Variants in TMEM132D observed in about 807,000 individuals in gnomAD.
TMEM132D encodes mature OL transmembrane protein.
In TMEM132D, 21 loss-of-function variants were observed where a neutral mutation model predicts 62.3. That is an observed-to-expected ratio of 0.34 (90% CI 0.24 to 0.49). The LOEUF (loss-of-function observed/expected upper bound fraction) is 0.49, where lower values mean the gene tolerates loss of function less well. Ranked by LOEUF, TMEM132D falls within the 20% of genes least tolerant of loss-of-function variation. TMEM132D has a pLI of 0.99. For synonymous variants in TMEM132D, 621 were observed against 575.6 expected, an observed-to-expected ratio of 1.08 and a Z score of -1.13; for missense variants, 1,346 against 1,402.8, an observed-to-expected ratio of 0.96 and a Z score of 0.65.
chr12:129,480,940 A>G (rs1471592580), intron 3 of TMEM132D, among the ~76,000 whole-genome samples: 2 of 151,974 alleles, frequency 1.3e-5, no homozygotes, highest in Non-Finnish European at 2.9e-5. Context: ...GACAACCCGG[A>G]CCCCTTTGCT....
At chr12:129,422,627 G>T (rs752068270) in intron 3 of TMEM132D, among the ~76,000 whole-genome samples, 2 of 152,052 alleles carry the variant, frequency 1.3e-5, no homozygotes, top group African/African-American at 4.8e-5. Flanking sequence ...AATTAATCTC[G>T]CCATGTCTAT....
intron 2 of TMEM132D, chr12:129,698,235 G>A (rs941370630): frequency 1.2e-4 from 18 of 151,878 alleles, no homozygotes; most frequent in South Asian, 2.1e-4. Flanking sequence ...CCAGAAGGAC[G>A]GAAGGGAACG....
intron 1 of TMEM132D, among the ~76,000 whole-genome samples, chr12:129,719,083 G>GAAAAA (rs59987335): frequency 2.2e-4 from 22 of 99,212 alleles, no homozygotes; most frequent in African/African-American, 5.7e-4. Flanking sequence ...CAAAAAAAAT[G>GAAAAA]AAAAAAAAAA....
At chr12:129,131,278 A>G (rs1224447570) in intron 5 of TMEM132D, among the ~76,000 whole-genome samples, 3 of 152,190 alleles carry the variant, frequency 2.0e-5, no homozygotes, top group Non-Finnish European at 4.4e-5. Context: ...GGGTCCAAAG[A>G]TGACTGTTGT....
intron 4 of TMEM132D, among the ~76,000 whole-genome samples, chr12:129,234,658 C>T (rs1428526067): frequency 2.6e-5 from 4 of 152,104 alleles, no homozygotes; most frequent in Non-Finnish European, 5.9e-5. Context: ...GTCTAAATCT[C>T]GTTAAAATAT....
chr12:129,737,219 C>G (rs1467031503), intron 1 of TMEM132D, among the ~76,000 whole-genome samples: 1 of 152,144 alleles, frequency 6.6e-6, no homozygotes, highest in Non-Finnish European at 1.5e-5. Flanking sequence ...GCATTCCTGA[C>G]CTCTACTCAC....
At chr12:129,143,937 T>C (rs1007138859) in intron 5 of TMEM132D, among the ~76,000 whole-genome samples, 1 of 152,176 alleles carries the variant, frequency 6.6e-6, no homozygotes, top group Non-Finnish European at 1.5e-5. Flanking sequence ...TGCTCACTCT[T>C]GAACTCCCAG....
intron 1 of TMEM132D, among the ~76,000 whole-genome samples, chr12:129,751,413 T>C (rs1295702743): frequency 6.6e-6 from 1 of 152,204 alleles, no homozygotes; most frequent in Non-Finnish European, 1.5e-5. Context: ...CCTCCCACCA[T>C]GTCCCTCCCC....
rs554223887 is a variant in TMEM132D at position 129,379,415 on chromosome 12, G to A, written c.1116-41598C>T. On this transcript the variant is annotated intron_variant, in intron 3 of 8. Coordinates refer to ENST00000422113, the MANE Select transcript of TMEM132D (RefSeq NM_133448.3). ...CTGTCCGTAGCAAGACATCTGGACT[G>A]ATAATAACTGGGAAACACAACTGTT... Among the ~76,000 whole-genome samples the A allele has an allele frequency of 7.9e-5, 12 of 152,306 alleles. No homozygotes were observed. The South Asian group carries it at 2.3e-3, about 29-fold the overall frequency.
intron 2 of TMEM132D, among the ~76,000 whole-genome samples, chr12:129,628,879 T>A (rs1879286209): frequency 1.3e-5 from 2 of 152,102 alleles, no homozygotes; most frequent in South Asian, 4.2e-4. Flanking sequence ...CTTCTCCTAC[T>A]CTGTCTCCCT....
At chr12:129,233,679 T>G (rs1484021438) in intron 4 of TMEM132D, among the ~76,000 whole-genome samples, 1 of 152,076 alleles carries the variant, frequency 6.6e-6, no homozygotes, top group African/African-American at 2.4e-5. Context: ...CAGGCTGGAG[T>G]GTCATGGTGT....
Position 129,903,867 on chromosome 12 carries a change from C to A in TMEM132D, c.-528G>T, listed in dbSNP as rs571863427. 0.016 allele frequency among the ~76,000 whole-genome samples: 2,339 copies of A among 146,904 alleles called. 93 individuals are homozygous for A. Among genetic ancestry groups the A allele is most frequent in the East Asian group, 0.083 (413 of 4,980 alleles). On this transcript the variant is annotated 5_prime_UTR_variant, in exon 1 of 9. Transcript: ENST00000422113. This position sits in a 1 kb window ranked among gnomAD's most constrained non-coding sequence, Gnocchi z 6.2. ...CGGCCCGGGGCTCCCTGGCCCGCAG[C>A]CCCCATCCCAGGCCGGCCGCTGCGC...
chr12:129,245,187 G>A lies in TMEM132D; in HGVS notation c.1300-35524C>T, dbSNP rs567856342. ...TATCCCACAGAACAGTCTCACTGCC[G>A]TAAAAATTTGTGTTCCACCTATCCA... On this transcript the variant is annotated intron_variant, in intron 4 of 8. Coordinates refer to ENST00000422113, the MANE Select transcript of TMEM132D (RefSeq NM_133448.3). 3.3e-3 allele frequency among the ~76,000 whole-genome samples: 498 copies of A among 152,182 alleles called. 1 individual carries two copies. Among genetic ancestry groups the A allele is most frequent in the Non-Finnish European group, 5.7e-3 (385 of 67,986 alleles).
At chr12:129,232,857 G>A (rs77036233) in intron 4 of TMEM132D, among the ~76,000 whole-genome samples, 95 of 152,050 alleles carry the variant, frequency 6.2e-4, no homozygotes, top group African/African-American at 2.1e-3. Flanking sequence ...GAGCACAAAG[G>A]AGGAAGTACC....
At chr12:129,261,115 T>C (rs1264833064) in intron 4 of TMEM132D, among the ~76,000 whole-genome samples, 1 of 152,220 alleles carries the variant, frequency 6.6e-6, no homozygotes, top group Admixed American at 6.5e-5. Context: ...TTGTGCTAAC[T>C]TACATTCCCA....
At chr12:129,221,753 C>T (rs916480928) in intron 4 of TMEM132D, among the ~76,000 whole-genome samples, 7 of 152,186 alleles carry the variant, frequency 4.6e-5, no homozygotes, top group African/African-American at 1.7e-4. Context: ...ATCACCCTGT[C>T]CTTGTCTTTT....
intron 3 of TMEM132D, among the ~76,000 whole-genome samples, chr12:129,426,630 C>CT (rs895284470): frequency 5.9e-5 from 9 of 152,148 alleles, no homozygotes; most frequent in African/African-American, 2.2e-4. Flanking sequence ...GGAGCAAGCG[C>CT]TTATTGAGCA....
At chr12:129,882,863 G>C (rs111355835) in intron 1 of TMEM132D, among the ~76,000 whole-genome samples, 105 of 152,310 alleles carry the variant, frequency 6.9e-4, no homozygotes, top group African/African-American at 2.3e-3. Context: ...ATTAGCAACA[G>C]AGCAGAACTT....
chr12:129,395,169 C>A (rs1204984812), intron 3 of TMEM132D, among the ~76,000 whole-genome samples: 1 of 152,072 alleles, frequency 6.6e-6, no homozygotes, highest in Non-Finnish European at 1.5e-5. Context: ...CTAGAGGTAG[C>A]AATTTTTACC....
Sources: allele counts gnomAD v4.1 joint callset (sites outside exome capture counted in the v4.1 genomes callset), GRCh38; gene constraint gnomAD v4.1.1; non-coding constraint Gnocchi (gnomAD v3.1); transcripts MANE v1.5; gene names NCBI Gene and HGNC (gene_info 2026-07-23, HGNC 2026-07-21).